Variants in CLMP observed in about 807,000 individuals in gnomAD.
CLMP encodes the protein CXADR-like membrane protein.
In CLMP, 27 loss-of-function variants were observed where a neutral mutation model predicts 45.2. The observed-to-expected ratio is 0.60, with a 90% CI of 0.44 to 0.82. CLMP has a LOEUF of 0.82. CLMP is among the 40% of genes least tolerant of loss of function. The pLI is 0.00. For synonymous variants in CLMP, 167 were observed against 171.4 expected (o/e 0.97, Z 0.20); for missense variants, 403 against 448.4 (o/e 0.90, Z 0.91).
At chr11:123,189,190 A>C (rs1368407371) in intron 1 of CLMP, among the ~76,000 whole-genome samples, 1 of 152,236 alleles carries the variant, frequency 6.6e-6, no homozygotes, top group African/African-American at 2.4e-5. Flanking sequence ...ATAAATGTTT[A>C]GCAGAACTTT....
At chr11:123,117,364 C>G (rs553102908) in intron 1 of CLMP, among the ~76,000 whole-genome samples, 1 of 151,784 alleles carries the variant, frequency 6.6e-6, no homozygotes, top group East Asian at 1.9e-4. Flanking sequence ...TTGGTAGAGC[C>G]AAAATTTCAA....
At chr11:123,074,865 C>T in intron 5 of CLMP, 22 bp from the exon 6 acceptor site, 1 of 1,609,740 alleles carries the variant, frequency 6.2e-7, no homozygotes, top group Non-Finnish European at 8.5e-7. Flanking sequence ...GAAGCAAAAG[C>T]ACAAGTAAAA....
chr11:123,144,093 C>A (rs1302282524), intron 1 of CLMP, among the ~76,000 whole-genome samples: 1 of 152,136 alleles, frequency 6.6e-6, no homozygotes, highest in African/African-American at 2.4e-5. Context: ...GGATTACAGG[C>A]AAGAGCCACT....
rs183629876 is a variant in CLMP, at chr11:123,166,028, A to C, written c.28+28885T>G. Among the ~76,000 whole-genome samples the C allele has an allele frequency of 4.6e-5, 7 of 152,348 alleles. No homozygotes were observed. In the East Asian group the frequency reaches 1.3e-3, roughly 29 times the overall value. On this transcript the variant is annotated intron_variant, in intron 1 of 6. Coordinates refer to ENST00000448775, the MANE Select transcript of CLMP (RefSeq NM_024769.5). ...AAAATTTTAAAATTCAACAGGCATA[A>C]GATCTGAATTCTCTACTACAAAGCC...
intron 5 of CLMP, among the ~76,000 whole-genome samples, chr11:123,081,611 C>T (rs979816326): frequency 1.9e-4 from 29 of 152,086 alleles, no homozygotes; most frequent in African/African-American, 7.0e-4. Context: ...TTGCGCATGC[C>T]GGTAATCGCA....
intron 1 of CLMP, among the ~76,000 whole-genome samples, chr11:123,182,935 C>G (rs1861788497): frequency 6.6e-6 from 1 of 152,178 alleles, no homozygotes; most frequent in Admixed American, 6.5e-5. Flanking sequence ...GTCTTTTGTG[C>G]CAATGTGCAT....
At chr11:123,173,762 G>A (rs931507534) in intron 1 of CLMP, among the ~76,000 whole-genome samples, 3 of 152,034 alleles carry the variant, frequency 2.0e-5, no homozygotes, top group Non-Finnish European at 4.4e-5. Context: ...CCAGGATGCC[G>A]CACTCCTTCA....
At chr11:123,130,719 G>T (rs1264711376) in intron 1 of CLMP, among the ~76,000 whole-genome samples, 1 of 152,086 alleles carries the variant, frequency 6.6e-6, no homozygotes, top group Non-Finnish European at 1.5e-5. Context: ...AGTAGTTCAG[G>T]AGTCAGAAAA....
At chr11:123,107,534 AT>A (rs370750162) in intron 1 of CLMP, among the ~76,000 whole-genome samples, 3,119 of 123,384 alleles carry the variant, frequency 0.025, 123 homozygotes, top group East Asian at 0.19. Context: ...CCTGACCTAA[AT>A]TTTTTTTTTT....
At chr11:123,191,709 GT>G (rs1477646310) in intron 1 of CLMP, among the ~76,000 whole-genome samples, 1 of 152,182 alleles carries the variant, frequency 6.6e-6, no homozygotes, top group African/African-American at 2.4e-5. Context: ...GCAGTCAAAG[GT>G]TAGTGATCTT....
chr11:123,113,236 T>A (rs1860667710), intron 1 of CLMP, among the ~76,000 whole-genome samples: 3 of 152,218 alleles, frequency 2.0e-5, no homozygotes, highest in African/African-American at 7.2e-5. Flanking sequence ...GAGTGCATAT[T>A]TGTTCAATAA....
intron 1 of CLMP, among the ~76,000 whole-genome samples, chr11:123,101,561 G>A (rs1866060548): frequency 6.6e-6 from 1 of 152,364 alleles, no homozygotes; most frequent in Non-Finnish European, 1.5e-5. Context: ...TCATTCTGCA[G>A]CAAGGCTGCT....
At position 123,194,995 on chromosome 11, in the gene CLMP, G is replaced by T. The variant is rs1380641595; in HGVS notation, c.-55C>A. The T allele has an allele frequency of 3.2e-6, 5 of 1,579,180 alleles. No homozygotes were observed. Among genetic ancestry groups the T allele is most frequent in the Non-Finnish European group, 4.3e-6 (5 of 1,162,350 alleles). ...CTCAGCTGCTGCTTGGCTCCGGGGC[G>T]GCCGGGCGCCTCCGACGGACCTCGG... On this transcript the variant is annotated 5_prime_UTR_variant, in exon 1 of 7. Coordinates refer to ENST00000448775, the MANE Select transcript of CLMP (RefSeq NM_024769.5).
At chr11:123,143,546 G>A (rs903739866) in intron 1 of CLMP, among the ~76,000 whole-genome samples, 2 of 152,136 alleles carry the variant, frequency 1.3e-5, no homozygotes, top group African/African-American at 4.8e-5. Context: ...ACAGGGAACA[G>A]TGGGTGGCCT....
chr11:123,137,147 C>CTTTTTTTTTTTTTTTTTTT (rs375816483), intron 1 of CLMP, among the ~76,000 whole-genome samples: 5 of 82,456 alleles, frequency 6.1e-5, no homozygotes, highest in African/African-American at 1.5e-4. Context: ...TTTTCTTTTT[C>CTTTTTTTTTTTTTTTTTTT]TTTTTTTTTT....
At chr11:123,155,559 T>A (rs1455284517) in intron 1 of CLMP, among the ~76,000 whole-genome samples, 3 of 152,234 alleles carry the variant, frequency 2.0e-5, no homozygotes, top group Non-Finnish European at 2.9e-5. Context: ...GGGTTAGTTT[T>A]GCATCTTACA....
intron 1 of CLMP, among the ~76,000 whole-genome samples, chr11:123,174,707 C>T (rs1313568938): frequency 3.3e-5 from 5 of 152,132 alleles, no homozygotes; most frequent in Non-Finnish European, 7.4e-5. Flanking sequence ...CCTTTATATT[C>T]TCTCTTTTTT....
Position 123,083,783 on chromosome 11 carries a change from C to T in CLMP, c.453G>A (p.Leu151=), listed in dbSNP as rs112659755. The change falls in exon 4 of 7, where the codon TTG becomes TTA. Residue 151 remains leucine (L), a synonymous_variant. Coordinates refer to ENST00000448775, the MANE Select transcript of CLMP (RefSeq NM_024769.5). ...CTGTGCCAGAGGATGACTCACACTG[C>T]AAAGTCAGGTCACTTCCTTCTGTCA... The part of the protein sequence containing the change: ...GELTEGSDLT[L]QCESSSGTEP... The T allele has an allele frequency of 1.8e-3, 2,861 of 1,613,988 alleles. 33 individuals carry two copies. In the African/African-American group the frequency reaches 0.031, roughly 18 times the overall value.
At chr11:123,081,097 G>A (rs1865798913) in intron 5 of CLMP, among the ~76,000 whole-genome samples, 1 of 151,942 alleles carries the variant, frequency 6.6e-6, no homozygotes, top group Non-Finnish European at 1.5e-5. Flanking sequence ...AGGTGGCAAT[G>A]AGCCAAGACC....
Sources: allele counts gnomAD v4.1 joint callset (sites outside exome capture counted in the v4.1 genomes callset), GRCh38; gene constraint gnomAD v4.1.1; transcripts MANE v1.5; gene names NCBI Gene and HGNC (gene_info 2026-07-23, HGNC 2026-07-21).